Variants in COL8A1 observed in about 807,000 individuals in gnomAD.
The protein encoded by COL8A1 is collagen type VIII alpha 1 chain.
COL8A1 carries 21 observed loss-of-function variants against 42.7 expected under a neutral mutation model. The observed-to-expected ratio is 0.49, with a 90% CI of 0.35 to 0.71. The LOEUF is 0.71. Ranked by LOEUF, COL8A1 falls within the 30% of genes least tolerant of loss-of-function variation. The pLI, the probability that COL8A1 is intolerant of heterozygous loss-of-function variation, is 0.01. For synonymous variants in COL8A1, 367 were observed against 369.1 expected (o/e 0.99, Z 0.06); for missense variants, 788 against 962.4 (o/e 0.82, Z 2.40).
intron 2 of COL8A1, among the ~76,000 whole-genome samples, chr3:99,765,159 A>G (rs922711636): frequency 2.6e-5 from 4 of 152,316 alleles, no homozygotes; most frequent in South Asian, 2.1e-4. Context: ...ACATTATGAA[A>G]TGGCTCACAG....
At chr3:99,691,697 T>C (rs1939224257) in intron 1 of COL8A1, 1 of 140,544 alleles carries the variant, frequency 7.1e-6, no homozygotes, top group Non-Finnish European at 1.6e-5. Context: ...AGCTTTTTTT[T>C]TTTTTAAAAA....
intron 2 of COL8A1, among the ~76,000 whole-genome samples, chr3:99,748,438 T>C (rs1941075797): frequency 6.6e-6 from 1 of 152,228 alleles, no homozygotes; most frequent in African/African-American, 2.4e-5. Context: ...ATTGATTGCA[T>C]GTTGAAATGA....
chr3:99,654,362 A>G (rs549923432), intron 1 of COL8A1, among the ~76,000 whole-genome samples: 1 of 152,304 alleles, frequency 6.6e-6, no homozygotes, highest in South Asian at 2.1e-4. Flanking sequence ...AATCGAGTTG[A>G]CACTCAATAT....
At chr3:99,653,690 T>C (rs1937922997) in intron 1 of COL8A1, among the ~76,000 whole-genome samples, 1 of 150,886 alleles carries the variant, frequency 6.6e-6, no homozygotes, top group Non-Finnish European at 1.5e-5. Flanking sequence ...TTCTGGAGTT[T>C]TGTGCTGCTG....
intron 2 of COL8A1, among the ~76,000 whole-genome samples, chr3:99,760,185 G>T (rs886208417): frequency 1.6e-4 from 25 of 152,088 alleles, no homozygotes; most frequent in Admixed American, 1.4e-3. Flanking sequence ...TTTTCACTGT[G>T]CTCATGAGGG....
At chr3:99,656,386 A>G (rs758084311) in intron 1 of COL8A1, among the ~76,000 whole-genome samples, 38 of 152,262 alleles carry the variant, frequency 2.5e-4, no homozygotes, top group Non-Finnish European at 3.4e-4. Flanking sequence ...CAAAGTGGTT[A>G]TCTAAAATCC....
chr3:99,721,369 CAA>C (rs34692096), intron 1 of COL8A1, among the ~76,000 whole-genome samples: 6 of 118,506 alleles, frequency 5.1e-5, no homozygotes, highest in East Asian at 4.9e-4. Flanking sequence ...ACAATTTAGA[CAA>C]AAAAAAAAAA....
intron 1 of COL8A1, among the ~76,000 whole-genome samples, chr3:99,711,552 C>T (rs1939835662): frequency 6.6e-6 from 1 of 152,110 alleles, no homozygotes; most frequent in Non-Finnish European, 1.5e-5. Context: ...CCTTGGAAAA[C>T]GAAGCCAGTT....
intron 2 of COL8A1, among the ~76,000 whole-genome samples, chr3:99,782,368 T>C: frequency 6.6e-6 from 1 of 152,164 alleles, no homozygotes; most frequent in Non-Finnish European, 1.5e-5. Flanking sequence ...CTTGAGTACC[T>C]AAGTTCCTAA....
At chr3:99,713,330 C>G (rs73860410) in intron 1 of COL8A1, among the ~76,000 whole-genome samples, 2 of 152,040 alleles carry the variant, frequency 1.3e-5, no homozygotes, top group South Asian at 4.1e-4. Context: ...TCATGCCCCA[C>G]GTGCAGTCTC....
intron 1 of COL8A1, among the ~76,000 whole-genome samples, chr3:99,726,106 T>A (rs1940316289): frequency 6.6e-6 from 1 of 152,192 alleles, no homozygotes; most frequent in African/African-American, 2.4e-5. Flanking sequence ...TGATTGCCAT[T>A]CTAACTGGTG....
chr3:99,714,494 T>A (rs1939938577), intron 1 of COL8A1, among the ~76,000 whole-genome samples: 1 of 152,070 alleles, frequency 6.6e-6, no homozygotes, highest in African/African-American at 2.4e-5. Flanking sequence ...AATGATGAAA[T>A]GGAATCTATC....
intron 1 of COL8A1, among the ~76,000 whole-genome samples, chr3:99,660,358 T>A (rs936318780): frequency 1.3e-4 from 20 of 152,316 alleles, no homozygotes; most frequent in Admixed American, 1.2e-3. Context: ...TATTATTTTT[T>A]AAATATAGCC....
chr3:99,724,070 G>A (rs1186764133), intron 1 of COL8A1, among the ~76,000 whole-genome samples: 3 of 152,098 alleles, frequency 2.0e-5, no homozygotes, highest in Non-Finnish European at 1.5e-5. Context: ...TGCTTTGCAC[G>A]ACACTGTGTG....
At chr3:99,771,488 A>T (rs1941579901) in intron 2 of COL8A1, among the ~76,000 whole-genome samples, 1 of 152,208 alleles carries the variant, frequency 6.6e-6, no homozygotes, top group Non-Finnish European at 1.5e-5. Flanking sequence ...ATCATTTATT[A>T]GGTGTGAGGA....
intron 1 of COL8A1, among the ~76,000 whole-genome samples, chr3:99,682,737 C>T (rs560805076): frequency 6.6e-6 from 1 of 152,196 alleles, no homozygotes; most frequent in South Asian, 2.1e-4. Flanking sequence ...GCTCAATTTC[C>T]TCTCTTACCT....
chr3:99,721,381 AAAAG>A (rs1346203696), intron 1 of COL8A1, among the ~76,000 whole-genome samples: 3 of 149,134 alleles, frequency 2.0e-5, no homozygotes, highest in East Asian at 2.0e-4. Context: ...AAAAAAAAAA[AAAAG>A]AAAGGAAAGG....
At chr3:99,681,928 G>C (rs1306776077) in intron 1 of COL8A1, among the ~76,000 whole-genome samples, 1 of 152,232 alleles carries the variant, frequency 6.6e-6, no homozygotes, top group African/African-American at 2.4e-5. Flanking sequence ...AAGCAGCAGA[G>C]TGTGATATGC....
At chr3:99,698,655 A>T (rs1559782334) in intron 1 of COL8A1, among the ~76,000 whole-genome samples, 1 of 152,214 alleles carries the variant, frequency 6.6e-6, no homozygotes, top group Non-Finnish European at 1.5e-5. Flanking sequence ...CCACTCCATT[A>T]AAAAAGTAAT....
Sources: gnomAD v4.1 joint callset for allele counts (sites outside exome capture counted in the v4.1 genomes callset) on GRCh38, gnomAD v4.1.1 for gene constraint, MANE v1.5 for transcripts, NCBI Gene and HGNC (gene_info 2026-07-23, HGNC 2026-07-21) for gene names.